Variants in VRTN observed in about 807,000 individuals in gnomAD.
VRTN encodes the protein vertebrae development associated.
Under a neutral mutation model 18.2 loss-of-function variants are expected in VRTN, and 5 were observed. The observed-to-expected ratio is 0.27, with a 90% CI of 0.14 to 0.58. The LOEUF is 0.58. VRTN is among the 20% of genes least tolerant of loss of function. The pLI is 0.91. For missense variants in VRTN, 741 were observed against 939.4 expected, an observed-to-expected ratio of 0.79 and a Z score of 2.76; for synonymous variants, 381 against 393.7, an observed-to-expected ratio of 0.97 and a Z score of 0.38.
chr14:74,315,143 C>T (rs939402452), intron 1 of VRTN, among the ~76,000 whole-genome samples: 2 of 152,172 alleles, frequency 1.3e-5, no homozygotes, highest in Admixed American at 1.3e-4. Flanking sequence ...AAAGTATCAG[C>T]ATGCCAAAGT....
chr14:74,335,098 A>G (rs538833863), intron 1 of VRTN, among the ~76,000 whole-genome samples: 13 of 152,262 alleles, frequency 8.5e-5, no homozygotes, highest in African/African-American at 2.9e-4. Context: ...CCTGGTCAAC[A>G]TGGTGAAACC....
At chr14:74,326,933 G>A (rs1187187205) in intron 1 of VRTN, among the ~76,000 whole-genome samples, 1 of 152,082 alleles carries the variant, frequency 6.6e-6, no homozygotes, top group Non-Finnish European at 1.5e-5. Context: ...AGGGCTGAAG[G>A]TGTAGATCCT....
Position 74,357,575 on chromosome 14 carries a change from C to G in VRTN, c.792C>G (p.Leu264=). ...CAGCTCTTCCAGCCCTGGCCCCACTCTCATCGCCGGCCAAGACCCTGGAGC... is the reference window on the plus strand; with the variant it reads ...CAGCTCTTCCAGCCCTGGCCCCACTGTCATCGCCGGCCAAGACCCTGGAGC... ...VAPALPALAP[L]SSPAKTLELL... Residue 264 remains leucine (L), a synonymous_variant, in exon 2 of 2, where the codon CTC becomes CTG. Coordinates refer to ENST00000256362, the MANE Select transcript of VRTN (RefSeq NM_018228.3). The surrounding 1 kb of genome is among the most constrained non-coding windows in gnomAD (Gnocchi z 7.8). 1 of 1,613,982 alleles carries G rather than the reference C, an allele frequency of 6.2e-7. No homozygotes were observed. The highest frequency in any genetic ancestry group is 8.5e-7 in the Non-Finnish European group (1 of 1,180,016).
At position 74,357,485 on chromosome 14, in the gene VRTN, C is replaced by T; in HGVS notation, c.702C>T (p.His234=). ...CCCTCACCAGCCACTTCTTCCGCCA[C>T]CAGTACTTTGCCCCTGTGGTGGGGC... The part of the protein sequence containing the change: ...GQPLTSHFFR[H]QYFAPVVGLE... Residue 234 remains histidine (H), a synonymous_variant, in exon 2 of 2, where the codon CAC becomes CAT. Coordinates refer to ENST00000256362, the MANE Select transcript of VRTN (RefSeq NM_018228.3). This position sits in a 1 kb window ranked among gnomAD's most constrained non-coding sequence, Gnocchi z 7.8. The T allele has an allele frequency of 6.2e-7, 1 of 1,612,620 alleles. No homozygotes were observed. Among genetic ancestry groups the T allele is most frequent in the Non-Finnish European group, 8.5e-7 (1 of 1,180,022 alleles).
Position 74,350,137 on chromosome 14 carries a change from C to T in VRTN, c.-2+1485C>T, listed in dbSNP as rs190109510. On this transcript the variant is annotated intron_variant, in intron 1 of 1. Transcript: ENST00000256362. ...GCCAAAAAGACTGTTGCACCTGAAC[C>T]CCATCATCAATTGTCTACTTAAGAG... 7.4e-4 allele frequency among the ~76,000 whole-genome samples: 113 copies of T among 152,256 alleles called. 1 individual carries two copies. Among genetic ancestry groups the T allele is most frequent in the African/African-American group, 2.6e-3 (107 of 41,552 alleles).
chr14:74,318,339 C>T (rs1245272663), intron 1 of VRTN, among the ~76,000 whole-genome samples: 5 of 151,650 alleles, frequency 3.3e-5, no homozygotes, highest in East Asian at 1.9e-4. Context: ...GGCGTGATCT[C>T]GGCTCACCGC....
At chr14:74,354,767 T>C (rs777932804) in intron 1 of VRTN, among the ~76,000 whole-genome samples, 20 of 151,794 alleles carry the variant, frequency 1.3e-4, no homozygotes, top group Non-Finnish European at 2.1e-4. Context: ...ACAGCACCCA[T>C]TGGCTATTTG....
In VRTN at chr14:74,336,207, A is replaced by G. The variant is rs1161122867; in HGVS notation, c.-163-1516A>G. On this transcript the variant is annotated intron_variant, in intron 1 of 2. Coordinates refer to the VRTN transcript ENST00000557177. Reference sequence around the variant, plus strand: ...CAGATCACCTGAGGTCAGGAGTTTGAGACCAGCCTGACCAACATGGAGAAA... The same window carrying G: ...CAGATCACCTGAGGTCAGGAGTTTGGGACCAGCCTGACCAACATGGAGAAA... Among the ~76,000 whole-genome samples, 4 of 151,280 alleles carry G rather than the reference A, an allele frequency of 2.6e-5. No individual in the cohort carries two copies. In the East Asian group the frequency reaches 8.0e-4, roughly 30 times the overall value.
intron 1 of VRTN, among the ~76,000 whole-genome samples, chr14:74,354,593 C>T (rs544444166): frequency 1.4e-4 from 22 of 151,924 alleles, no homozygotes; most frequent in Non-Finnish European, 2.9e-4. Context: ...TTAGTAGAGA[C>T]GGGGTTTCAC....
rs149033823 is a variant in VRTN at position 74,307,627 on chromosome 14, T to C, written c.-164+4451T>C. Among the ~76,000 whole-genome samples the C allele has an allele frequency of 4.8e-3, 737 of 152,308 alleles. 7 individuals are homozygous for C. The highest frequency in any genetic ancestry group is 0.017 in the African/African-American group (688 of 41,566). The stretch of plus-strand genomic sequence containing the variant: ...ATGAAAATATATATAGATGTAAATA[T>C]CTGCATAGAAAAATCATAATGAAGC... On this transcript the variant is annotated intron_variant, in intron 1 of 2. Transcript: ENST00000557177.
At chr14:74,349,268 CTTGCCCAGCTGG>C (rs2085667215) in intron 1 of VRTN, among the ~76,000 whole-genome samples, 2 of 356 alleles carry the variant, frequency 5.6e-3, no homozygotes, top group African/African-American at 0.015. Context: ...GGCAGCTGCC[CTTGCCCAGCTGG>C]CCTCCAGGGC....
intron 1 of VRTN, among the ~76,000 whole-genome samples, chr14:74,349,609 C>G (rs1228448244): frequency 1.3e-5 from 2 of 152,172 alleles, no homozygotes; most frequent in African/African-American, 4.8e-5. Context: ...TTCTAAAGAC[C>G]AGGCCAGGCT....
At chr14:74,336,582 T>A (rs913689370) in intron 1 of VRTN, among the ~76,000 whole-genome samples, 11 of 152,160 alleles carry the variant, frequency 7.2e-5, no homozygotes, top group Non-Finnish European at 1.5e-4. Flanking sequence ...AACTCTGAAA[T>A]CCCACTTTAA....
At chr14:74,338,672 A>AGC (rs2085581185) in intron 2 of VRTN, among the ~76,000 whole-genome samples, 1 of 152,156 alleles carries the variant, frequency 6.6e-6, no homozygotes, top group Non-Finnish European at 1.5e-5. Flanking sequence ...CTCCTGCTTC[A>AGC]GCCTCCTGAG....
intron 1 of VRTN, among the ~76,000 whole-genome samples, chr14:74,313,407 T>TA (rs1003737995): frequency 2.0e-5 from 3 of 152,040 alleles, no homozygotes; most frequent in Admixed American, 6.6e-5. Context: ...TGAAAGTTCT[T>TA]AAAAAAAATG....
At chr14:74,351,805 T>C (rs1452732345) in intron 1 of VRTN, among the ~76,000 whole-genome samples, 1 of 151,992 alleles carries the variant, frequency 6.6e-6, no homozygotes, top group Non-Finnish European at 1.5e-5. Flanking sequence ...TAAACGACTT[T>C]CCTTCTTTGG....
At chr14:74,350,960 A>G (rs1295645930) in intron 1 of VRTN, among the ~76,000 whole-genome samples, 1 of 152,200 alleles carries the variant, frequency 6.6e-6, no homozygotes, top group Non-Finnish European at 1.5e-5. Flanking sequence ...GCTTCAGTAT[A>G]TTGTTCCCTC....
chr14:74,346,301 A>AAAAAG (rs542680436), upstream of VRTN, among the ~76,000 whole-genome samples: 8 of 152,312 alleles, frequency 5.3e-5, no homozygotes, highest in South Asian at 4.1e-4. Flanking sequence ...CCTGTGTCAA[A>AAAAAG]AAAAGAAAAG....
intron 1 of VRTN, among the ~76,000 whole-genome samples, chr14:74,327,078 GT>G (rs1424343205): frequency 6.6e-6 from 1 of 152,148 alleles, no homozygotes; most frequent in African/African-American, 2.4e-5. Context: ...TAGGTGGTTG[GT>G]TCCCTATCTC....
Sources: allele counts gnomAD v4.1 joint callset (sites outside exome capture counted in the v4.1 genomes callset), GRCh38; gene constraint gnomAD v4.1.1; non-coding constraint Gnocchi (gnomAD v3.1); transcripts MANE v1.5; gene names NCBI Gene and HGNC (gene_info 2026-07-23, HGNC 2026-07-21).